The following GNPTAB variants were observed in gnomAD, a reference collection of about 807,000 sequenced individuals.
The protein encoded by GNPTAB is N-acetylglucosamine-1-phosphotransferase subunits alpha/beta.
Under a neutral mutation model 136.6 loss-of-function variants are expected in GNPTAB, and 92 were observed. That is an observed-to-expected ratio of 0.67 (90% CI 0.57 to 0.80). GNPTAB has a LOEUF of 0.80. Among genes scored for constraint, GNPTAB ranks in the 30% least tolerant of loss-of-function variants. The pLI, the probability that GNPTAB is intolerant of heterozygous loss-of-function variation, is 0.00. For synonymous variants in GNPTAB, 512 were observed against 535.1 expected (o/e 0.96, Z 0.60); for missense variants, 1,343 against 1,501.8 (o/e 0.89, Z 1.75).
At chr12:101,774,886 A>C (rs77885533) in intron 7 of GNPTAB, among the ~76,000 whole-genome samples, 7,668 of 152,276 alleles carry the variant, frequency 0.05, 461 homozygotes, top group African/African-American at 0.14. Flanking sequence ...TATCCTTTTG[A>C]GGCAGACAAA....
rs751461873 is a variant in GNPTAB, at chr12:101,766,235, C to T, written c.1468G>A (p.Gly490Arg). ...GGGGTGSIGV[G>R]QPWQFGGGIN... ...CCTCCACCAAACTGCCAGGGCTGTCCAACTCCAATACTCCCAGTACCTCCA... is the reference window on the plus strand; with the variant it reads ...CCTCCACCAAACTGCCAGGGCTGTCTAACTCCAATACTCCCAGTACCTCCA... Residue 490 changes from glycine to arginine, a missense_variant, in exon 12 of 21, where the codon GGA becomes AGA. Physicochemically the swap from Gly to Arg is moderately radical, Grantham distance 125. Coordinates refer to ENST00000299314, the MANE Select transcript of GNPTAB (RefSeq NM_024312.5). The T allele has an allele frequency of 1.2e-6, 2 of 1,614,074 alleles. No homozygotes were observed. Among genetic ancestry groups the T allele is most frequent in the Admixed American group, 3.3e-5 (2 of 60,014 alleles).
chr12:101,830,799 C>T lies in GNPTAB; in HGVS notation c.-124G>A, dbSNP rs1871337074. 3 of 431,180 alleles carry T rather than the reference C, an allele frequency of 7.0e-6. No individual in the cohort carries two copies. Among genetic ancestry groups the T allele is most frequent in the African/African-American group, 2.2e-5 (1 of 46,086 alleles). 26.7% of individuals were successfully genotyped at this position (431,180 alleles called of 1,614,324 possible). On this transcript the variant is annotated 5_prime_UTR_variant, in exon 1 of 21. Transcript: ENST00000299314. Reference sequence around the variant, plus strand: ...CCGCGCGCAGGTCACAGCCTCCGGGCGCCGCTCATTGCAGCTCCGGCGACG... The same window carrying T: ...CCGCGCGCAGGTCACAGCCTCCGGGTGCCGCTCATTGCAGCTCCGGCGACG...
At chr12:101,766,013 C>T in intron 12 of GNPTAB, 78 bp downstream of exon 12, 2 of 1,190,778 alleles carry the variant, frequency 1.7e-6, no homozygotes, top group Non-Finnish European at 2.5e-6. Flanking sequence ...TTTTAAATAA[C>T]AAAAGCCATT....
chr12:101,749,275 A>G (rs1377169991), intron 19 of GNPTAB, 84 bp from the exon 20 acceptor site: 1 of 820,872 alleles, frequency 1.2e-6, no homozygotes, highest in Admixed American at 1.8e-5. Flanking sequence ...TACTAGTTCT[A>G]TAAAAACAAT....
chr12:101,808,007 C>G (rs1870019920), intron 1 of GNPTAB, among the ~76,000 whole-genome samples: 1 of 151,940 alleles, frequency 6.6e-6, no homozygotes. Flanking sequence ...GGTTAGCACC[C>G]CCTGCTAAAA....
At chr12:101,748,695 A>G (rs1952771652) in intron 20 of GNPTAB, among the ~76,000 whole-genome samples, 1 of 152,214 alleles carries the variant, frequency 6.6e-6, no homozygotes, top group South Asian at 2.1e-4. Flanking sequence ...GGACAACACA[A>G]CGGAACCGTG....
At position 101,757,598 on chromosome 12, in the gene GNPTAB, T is replaced by C; in HGVS notation, c.3309A>G (p.Lys1103=). 2 of 1,571,708 alleles carry C rather than the reference T, an allele frequency of 1.3e-6. No individual in the cohort carries two copies. Among genetic ancestry groups the C allele is most frequent in the African/African-American group, 2.7e-5 (2 of 74,156 alleles). ...NCKPVTDKIH[K]AYKDKNKYRF... ...TATATTTGTTTTTGTCCTTATATGC[T>C]TTGTGGATTTTGTCAGTTACTGGTT... The change falls in exon 17 of 21, where the codon AAA becomes AAG. Residue 1103 remains lysine, a synonymous_variant. Transcript: ENST00000299314.
rs1045470352 is a variant in GNPTAB at position 101,780,612 on chromosome 12, G to T, written c.581C>A (p.Ala194Asp). 1.2e-6 allele frequency: 2 copies of T among 1,606,960 alleles called. No individual in the cohort carries two copies. Among genetic ancestry groups the T allele is most frequent in the South Asian group, 2.2e-5 (2 of 90,924 alleles). Residue 194 changes from alanine to aspartate, a missense_variant, in exon 6 of 21, where the codon GCC becomes GAC. Ala to Asp is a moderately radical substitution (Grantham distance 126). Coordinates refer to ENST00000299314, the MANE Select transcript of GNPTAB (RefSeq NM_024312.5). ...VFDSTKDVED[A>D]HSGLLKGNSR... ...ATTTCCTTTAAGCAGTCCAGAGTGG[G>T]CATCTTCAACTACAACCAAGAATAC... is the stretch of plus-strand genomic sequence containing the variant.
At position 101,761,251 on chromosome 12, in the gene GNPTAB, G is replaced by A; in HGVS notation, c.3011C>T (p.Ala1004Val). The change falls in exon 15 of 21, where the codon GCA (alanine) becomes GTA (valine). Residue 1004 changes from alanine (A) to valine (V), a missense_variant. By Grantham distance (64) the Ala-to-Val change is moderately conservative. Coordinates refer to ENST00000299314, the MANE Select transcript of GNPTAB (RefSeq NM_024312.5). ...TTGAGATATATTCAGTGGCTGCACTGCACTCATGAGATAATAAAAATAAGA... is the reference window on the plus strand; with the variant it reads ...TTGAGATATATTCAGTGGCTGCACTACACTCATGAGATAATAAAAATAAGA... The part of the protein sequence containing the change: ...AFSYFYYLMS[A>V]VQPLNISQVF... 2 of 1,613,500 alleles carry A rather than the reference G, an allele frequency of 1.2e-6. No homozygotes were observed. The highest frequency in any genetic ancestry group is 1.7e-6 in the Non-Finnish European group (2 of 1,179,434).
chr12:101,820,541 T>A (rs1321970660), intron 1 of GNPTAB, among the ~76,000 whole-genome samples: 1 of 152,192 alleles, frequency 6.6e-6, no homozygotes, highest in Non-Finnish European at 1.5e-5. Context: ...GGCTGTCCTG[T>A]GCACTATAGG....
chr12:101,802,569 A>G (rs779989838), intron 1 of GNPTAB, among the ~76,000 whole-genome samples: 30 of 152,144 alleles, frequency 2.0e-4, no homozygotes, highest in Non-Finnish European at 3.8e-4. Flanking sequence ...AAAGGCATAG[A>G]AGGAAAAAAA....
At position 101,759,882 on chromosome 12, in the gene GNPTAB, C is replaced by T. The variant is rs75750934; in HGVS notation, c.3249+148G>A. The T allele has an allele frequency of 3.4e-3, 2,288 of 668,450 alleles. 49 individuals are homozygous for T. The African/African-American group carries it at 0.036, about 10-fold the overall frequency. 41.4% of individuals were successfully genotyped at this position (668,450 alleles called of 1,614,324 possible). ...ATTCCAAAGCAAGCTATGAATGATT[C>T]GGATTACCTGTGCTACTGTTTTGCA... is the stretch of plus-strand genomic sequence containing the variant. On this transcript the variant is annotated intron_variant, in intron 16 of 20. Coordinates refer to ENST00000299314, the MANE Select transcript of GNPTAB (RefSeq NM_024312.5).
intron 1 of GNPTAB, among the ~76,000 whole-genome samples, chr12:101,824,404 C>CTATATATATATATATATATA (rs1566102959): frequency 1.8e-5 from 1 of 56,446 alleles, no homozygotes; most frequent in African/African-American, 8.4e-5. Flanking sequence ...AGAAATTTCA[C>CTATATATATATATATATATA]CATATATATA....
chr12:101,754,444 A>G (rs1952870561), intron 18 of GNPTAB, among the ~76,000 whole-genome samples: 1 of 152,212 alleles, frequency 6.6e-6, no homozygotes, highest in Non-Finnish European at 1.5e-5. Flanking sequence ...AAGATTAAAA[A>G]AAAAAAATCA....
intron 1 of GNPTAB, among the ~76,000 whole-genome samples, chr12:101,820,807 C>G (rs919364205): frequency 2.0e-5 from 3 of 152,146 alleles, no homozygotes; most frequent in African/African-American, 7.2e-5. Flanking sequence ...CCTGTAATCC[C>G]AGCACTTTGG....
Position 101,830,771 on chromosome 12 carries a change from C to T in GNPTAB, c.-96G>A. The T allele has an allele frequency of 1.6e-6, 1 of 644,370 alleles. No homozygotes were observed. Among genetic ancestry groups the T allele is most frequent in the South Asian group, 1.9e-5 (1 of 53,376 alleles). 39.9% of individuals were successfully genotyped at this position (644,370 alleles called of 1,614,324 possible). On this transcript the variant is annotated 5_prime_UTR_variant, in exon 1 of 21. Coordinates refer to ENST00000299314, the MANE Select transcript of GNPTAB (RefSeq NM_024312.5). Reference sequence around the variant, plus strand: ...CCGCCATTCAGGGGCCCCGGTCGGGCCGCCGCGCGCAGGTCACAGCCTCCG... The same window carrying T: ...CCGCCATTCAGGGGCCCCGGTCGGGTCGCCGCGCGCAGGTCACAGCCTCCG...
intron 19 of GNPTAB, 55 bp downstream of exon 19, chr12:101,753,317 A>G (rs1952848902): frequency 3.2e-6 from 4 of 1,266,732 alleles, no homozygotes; most frequent in Non-Finnish European, 4.6e-6. Context: ...ATATAGATAC[A>G]TATGCATGTA....
Position 101,760,089 on chromosome 12 carries a change from C to G in GNPTAB, c.3190G>C (p.Asp1064His), listed in dbSNP as rs748438633. The change falls in exon 16 of 21, where the codon GAT becomes CAT. Residue 1064 changes from aspartate (D) to histidine (H), a missense_variant. Transcript: ENST00000299314. ...GGAATATTATTTAGCTGCGTGATAT[C>G]AGCAGGAAGCATTTTTGAGCAATTT... ...LINCSKMLPADITQLNNIPPT... is the reference protein window; with the variant it reads ...LINCSKMLPAHITQLNNIPPT... 39 of 1,613,698 alleles carry G rather than the reference C, an allele frequency of 2.4e-5. No individual in the cohort carries two copies. In the East Asian group the frequency reaches 8.7e-4, roughly 36 times the overall value.
At chr12:101,808,699 C>T (rs1269578569) in intron 1 of GNPTAB, among the ~76,000 whole-genome samples, 1 of 152,232 alleles carries the variant, frequency 6.6e-6, no homozygotes, top group Admixed American at 6.5e-5. Context: ...GTAATCCCAG[C>T]ACTTTGGGAG....
Sources: allele counts gnomAD v4.1 joint callset (sites outside exome capture counted in the v4.1 genomes callset), GRCh38; gene constraint gnomAD v4.1.1; transcripts MANE v1.5; gene names NCBI Gene and HGNC (gene_info 2026-07-23, HGNC 2026-07-21).